The following OR4F6 variants were observed in gnomAD, a reference collection of about 807,000 sequenced individuals.
The protein encoded by OR4F6 is olfactory receptor family 4 subfamily F member 6.
Under a neutral mutation model 15.9 loss-of-function variants are expected in OR4F6, and 13 were observed. That is an observed-to-expected ratio of 0.82 (90% CI 0.53 to 1.30). The LOEUF is 1.30. Ranked by LOEUF, OR4F6 falls within the 50% of genes most tolerant of loss-of-function variation. The probability of loss-of-function intolerance (pLI) is 0.00; values close to 1 mark genes in which losing one functional copy is unlikely to be tolerated. For missense variants in OR4F6, 426 were observed against 367.2 expected, an observed-to-expected ratio of 1.16 and a Z score of -1.31; for synonymous variants, 150 against 133.8, an observed-to-expected ratio of 1.12 and a Z score of -0.83.
At position 101,806,262 on chromosome 15, in the gene OR4F6, T is replaced by A; in HGVS notation, c.543T>A (p.Leu181=). The change falls in exon 2 of 2, where the codon CTT becomes CTA. Residue 181 remains leucine, a synonymous_variant. Coordinates refer to ENST00000328882, the MANE Select transcript of OR4F6 (RefSeq NM_001005326.2). ...AATTAGATAGTTTCTTTTGTGATCT[T>A]CCTCGATTTATCAAACTGGCTTGCA... ...PNELDSFFCD[L]PRFIKLACIE... 6.2e-7 allele frequency: 1 copy of A among 1,613,928 alleles called. No homozygotes were observed.
chr15:101,806,551 A>G lies in OR4F6; in HGVS notation c.832A>G (p.Ile278Val). Residue 278 changes from isoleucine to valine, a missense_variant, in exon 2 of 2, where the codon ATC becomes GTC. Physicochemically the swap from Ile to Val is conservative, Grantham distance 29. Transcript: ENST00000328882. ...DKFLAIFDAV[I>V]TPVLNPVIYT... ...ATTCCTTGCCATCTTTGATGCAGTT[A>G]TCACTCCCGTTTTGAATCCAGTCAT... The G allele has an allele frequency of 1.2e-6, 2 of 1,613,750 alleles. No individual in the cohort carries two copies. Among genetic ancestry groups the G allele is most frequent in the Non-Finnish European group, 8.5e-7 (1 of 1,179,756 alleles).
Position 101,806,094 on chromosome 15 carries a change from C to G in OR4F6, c.375C>G (p.Ala125=). ...LIAMAFDRYV[A]ICKPLHYLTI... is the part of the protein sequence containing the mutation. ...CCATGGCTTTTGACCGATATGTGGC[C>G]ATATGTAAGCCTCTCCACTACCTGA... The change falls in exon 2 of 2, where the codon GCC becomes GCG. Residue 125 remains alanine (A), a synonymous_variant. Coordinates refer to ENST00000328882, the MANE Select transcript of OR4F6 (RefSeq NM_001005326.2). 1 of 1,614,114 alleles carries G rather than the reference C, an allele frequency of 6.2e-7. No homozygotes were observed. Among genetic ancestry groups the G allele is most frequent in the Non-Finnish European group, 8.5e-7 (1 of 1,180,000 alleles).
rs563450684 is a variant in OR4F6, at chr15:101,803,878, CA to C, written c.-34+336del. On this transcript the variant is annotated intron_variant, in intron 1 of 1. Transcript: ENST00000328882. ...GTGAGGAATTTTAGACAATGCTAAA[CA>C]AACTAGTTTTGGTATGTTACGGTTT... 1.2e-4 allele frequency among the ~76,000 whole-genome samples: 19 copies of C among 152,268 alleles called. No individual in the cohort carries two copies. The South Asian group carries it at 3.7e-3, about 30-fold the overall frequency.
chr15:101,805,944 C>A lies in OR4F6; in HGVS notation c.225C>A (p.Ser75=). 1 of 1,614,102 alleles carries A rather than the reference C, an allele frequency of 6.2e-7. No individual in the cohort carries two copies. The highest frequency in any genetic ancestry group is 8.5e-7 in the Non-Finnish European group (1 of 1,180,014). The change falls in exon 2 of 2, where the codon TCC becomes TCA. Residue 75 remains serine (S), a synonymous_variant. Transcript: ENST00000328882. The part of the protein sequence containing the change: ...NLSIINLVFC[S]STAPKMIYDL... The stretch of plus-strand genomic sequence containing the variant: ...CCATCATCAATTTGGTATTTTGTTC[C>A]TCCACAGCTCCCAAGATGATTTATG...
Position 101,806,571 on chromosome 15 carries a change from A to G in OR4F6, c.852A>G (p.Pro284=). The G allele has an allele frequency of 6.2e-7, 1 of 1,613,554 alleles. No homozygotes were observed. Among genetic ancestry groups the G allele is most frequent in the Non-Finnish European group, 8.5e-7 (1 of 1,179,642 alleles). ...FDAVITPVLN[P]VIYTFRNKEM... is the part of the protein sequence containing the mutation. The stretch of plus-strand genomic sequence containing the variant: ...CAGTTATCACTCCCGTTTTGAATCC[A>G]GTCATCTATACTTTTAGAAATAAAG... Residue 284 remains proline, a synonymous_variant, in exon 2 of 2, where the codon CCA becomes CCG. Coordinates refer to ENST00000328882, the MANE Select transcript of OR4F6 (RefSeq NM_001005326.2).
rs1402050292 is a variant in OR4F6, at chr15:101,805,768, C to T, written c.49C>T (p.Leu17Phe). 1 of 1,614,034 alleles carries T rather than the reference C, an allele frequency of 6.2e-7. No individual in the cohort carries two copies. Residue 17 changes from leucine to phenylalanine, a missense_variant, in exon 2 of 2, where the codon CTC becomes TTC. Coordinates refer to ENST00000328882, the MANE Select transcript of OR4F6 (RefSeq NM_001005326.2). ...SVVSEFVFLG[L>F]SDSRKIQLLL... ...GGTCTCTGAGTTTGTGTTCCTGGGA[C>T]TCTCTGACTCGCGGAAGATCCAGCT...
chr15:101,806,571 A>T lies in OR4F6; in HGVS notation c.852A>T (p.Pro284=), dbSNP rs1403075062. The T allele has an allele frequency of 2.5e-6, 4 of 1,613,554 alleles. No individual in the cohort carries two copies. Among genetic ancestry groups the T allele is most frequent in the Non-Finnish European group, 3.4e-6 (4 of 1,179,642 alleles). ...CAGTTATCACTCCCGTTTTGAATCC[A>T]GTCATCTATACTTTTAGAAATAAAG... The part of the protein sequence containing the change: ...FDAVITPVLN[P]VIYTFRNKEM... Residue 284 remains proline (P), a synonymous_variant, in exon 2 of 2, where the codon CCA becomes CCT. Coordinates refer to ENST00000328882, the MANE Select transcript of OR4F6 (RefSeq NM_001005326.2).
chr15:101,803,804 G>T (rs566760837), intron 1 of OR4F6, among the ~76,000 whole-genome samples: 21 of 152,198 alleles, frequency 1.4e-4, no homozygotes, highest in Non-Finnish European at 2.9e-4. Flanking sequence ...GGGTCTCCAG[G>T]CAGAGAATAA....
rs536156686 is a variant in OR4F6 at position 101,806,356 on chromosome 15, A to T, written c.637A>T (p.Ile213Phe). Reference protein sequence around the residue: ...SGFISLASFLILIISYIFILV... With the variant: ...SGFISLASFLFLIISYIFILV... ...ATTTATTTCTCTGGCTTCTTTTTTA[A>T]TTCTCATAATCTCTTACATCTTTAT... The change falls in exon 2 of 2, where the codon ATT becomes TTT. Residue 213 changes from isoleucine (I) to phenylalanine (F), a missense_variant. Physicochemically the swap from Ile to Phe is conservative, Grantham distance 21 (BLOSUM62 0). Coordinates refer to ENST00000328882, the MANE Select transcript of OR4F6 (RefSeq NM_001005326.2). The T allele has an allele frequency of 1.1e-5, 18 of 1,614,128 alleles. No homozygotes were observed. In the South Asian group the frequency reaches 1.9e-4, roughly 17 times the overall value.
Position 101,806,669 on chromosome 15 carries a change from A to G in OR4F6, c.*11A>G, listed in dbSNP as rs1203300384. 2 of 1,481,300 alleles carry G rather than the reference A, an allele frequency of 1.4e-6. No homozygotes were observed. Among genetic ancestry groups the G allele is most frequent in the Non-Finnish European group, 1.8e-6 (2 of 1,105,594 alleles). 91.8% of individuals were successfully genotyped at this position (1,481,300 alleles called of 1,614,324 possible). ...AGTAAAATCTTTTAAATATATTGAG[A>G]ATATACAAAAAGGCAAATTATACTA... On this transcript the variant is annotated 3_prime_UTR_variant, in exon 2 of 2. Transcript: ENST00000328882.
chr15:101,805,708 C>G lies in OR4F6; in HGVS notation c.-12C>G. On this transcript the variant is annotated 5_prime_UTR_variant, in exon 2 of 2. Transcript: ENST00000328882. Reference sequence around the variant, plus strand: ...TCAGTTAGCATGAGAGTTGTCACAGCCGACAGAGGCAATGGATGAAGCCAA... The same window carrying G: ...TCAGTTAGCATGAGAGTTGTCACAGGCGACAGAGGCAATGGATGAAGCCAA... 6.3e-7 allele frequency: 1 copy of G among 1,590,680 alleles called. No individual in the cohort carries two copies. Among genetic ancestry groups the G allele is most frequent in the Middle Eastern group, 1.7e-4 (1 of 5,958 alleles).
chr15:101,803,639 A>C (rs956018329), intron 1 of OR4F6, 94 bp downstream of exon 1: 2 of 152,250 alleles, frequency 1.3e-5, no homozygotes, highest in African/African-American at 4.8e-5. Context: ...ATCAACCAGG[A>C]GTCATGAATT....
intron 1 of OR4F6, among the ~76,000 whole-genome samples, chr15:101,804,616 T>G (rs749354908): frequency 1.1e-4 from 17 of 152,210 alleles, no homozygotes; most frequent in Non-Finnish European, 2.9e-5. Flanking sequence ...AGAGCTTAAT[T>G]CTGTCTTCAT....
chr15:101,804,725 T>C (rs1902768438), intron 1 of OR4F6, among the ~76,000 whole-genome samples: 1 of 152,176 alleles, frequency 6.6e-6, no homozygotes, highest in Non-Finnish European at 1.5e-5. Flanking sequence ...AAGTTTTAAA[T>C]AGAGATAGAA....
Position 101,806,763 on chromosome 15 carries a change from T to C in OR4F6, c.*105T>C. 1 of 612,116 alleles carries C rather than the reference T, an allele frequency of 1.6e-6. No homozygotes were observed. The highest frequency in any genetic ancestry group is 3.3e-5 in the South Asian group (1 of 30,758). The allele number at this position is 612,116 out of a possible 1,614,324, so 37.9% of individuals were successfully genotyped here. A position where few individuals can be genotyped will look rare whatever the true frequency, so the allele number is the denominator to read the frequency against. On this transcript the variant is annotated 3_prime_UTR_variant, in exon 2 of 2. Transcript: ENST00000328882. ...ACCAGAATATCACTTTCTACTAGTA[T>C]GTATTGTGTTGTCTTTTTTTTCTTC...
chr15:101,806,242 G>A lies in OR4F6; in HGVS notation c.523G>A (p.Asp175Asn). 2 of 1,614,006 alleles carry A rather than the reference G, an allele frequency of 1.2e-6. No individual in the cohort carries two copies. Among genetic ancestry groups the A allele is most frequent in the Non-Finnish European group, 8.5e-7 (1 of 1,179,986 alleles). ...DLLFCGPNELDSFFCDLPRFI... is the reference protein window; with the variant it reads ...DLLFCGPNELNSFFCDLPRFI... ...GCTGTTCTGTGGCCCTAATGAATTAGATAGTTTCTTTTGTGATCTTCCTCG... is the reference window on the plus strand; with the variant it reads ...GCTGTTCTGTGGCCCTAATGAATTAAATAGTTTCTTTTGTGATCTTCCTCG... The change falls in exon 2 of 2, where the codon GAT (aspartate) becomes AAT (asparagine). Residue 175 changes from aspartate (D) to asparagine (N), a missense_variant. Transcript: ENST00000328882.
rs1383950896 is a variant in OR4F6 at position 101,806,784 on chromosome 15, T to C, written c.*126T>C. ...AGTATGTATTGTGTTGTCTTTTTTTTCTTCCCAAATTGAATTGTGGTATCA... is the reference window on the plus strand; with the variant it reads ...AGTATGTATTGTGTTGTCTTTTTTTCCTTCCCAAATTGAATTGTGGTATCA... On this transcript the variant is annotated 3_prime_UTR_variant, in exon 2 of 2. Transcript: ENST00000328882. The C allele has an allele frequency of 5.4e-6, 3 of 550,980 alleles. No individual in the cohort carries two copies. The highest frequency in any genetic ancestry group is 3.8e-5 in the African/African-American group (2 of 52,290). The allele number at this position is 550,980 out of a possible 1,614,324, so 34.1% of individuals were successfully genotyped here.
intron 1 of OR4F6, among the ~76,000 whole-genome samples, chr15:101,805,209 A>G (rs1183890339): frequency 6.6e-6 from 1 of 152,248 alleles, no homozygotes; most frequent in Non-Finnish European, 1.5e-5. Context: ...GAACACTATT[A>G]ACACTATTAG....
intron 1 of OR4F6, among the ~76,000 whole-genome samples, chr15:101,803,767 T>G (rs888531822): frequency 1.3e-5 from 2 of 152,206 alleles, no homozygotes; most frequent in Admixed American, 6.5e-5. Context: ...GTTATTCCAG[T>G]GACATTTGCA....
Sources: gnomAD v4.1 joint callset for allele counts (sites outside exome capture counted in the v4.1 genomes callset) on GRCh38, gnomAD v4.1.1 for gene constraint, MANE v1.5 for transcripts, NCBI Gene and HGNC (gene_info 2026-07-23, HGNC 2026-07-21) for gene names.